The following CHD5 variants were observed in gnomAD, a reference collection of about 807,000 sequenced individuals.
CHD5 encodes the protein ATP-dependent chromatin remodeler CHD5.
CHD5 carries 69 observed loss-of-function variants against 230.3 expected under a neutral mutation model. The observed-to-expected ratio is 0.30, with a 90% CI of 0.25 to 0.37. The LOEUF (loss-of-function observed/expected upper bound fraction) is 0.37. CHD5 is among the 10% of genes least tolerant of loss of function. The probability of loss-of-function intolerance (pLI) is 1.00; values close to 1 mark genes in which losing one functional copy is unlikely to be tolerated. For synonymous variants in CHD5, 1,064 were observed against 1,065.9 expected (o/e 1.00, Z 0.03); for missense variants, 1,827 against 2,622.8 (o/e 0.70, Z 6.63).
At chr1:6,174,498 ATGGATGGATGG>A (rs1667388786) in intron 1 of CHD5, among the ~76,000 whole-genome samples, 1 of 144,220 alleles carries the variant, frequency 6.9e-6, no homozygotes, top group African/African-American at 2.8e-5. Flanking sequence ...GGATGGATAG[ATGGATGGATGG>A]TGGGTGGATG....
chr1:6,131,820 G>A lies in CHD5; in HGVS notation c.3145-72C>T, dbSNP rs961864799. The A allele has an allele frequency of 8.8e-5, 79 of 902,196 alleles. No homozygotes were observed. The highest frequency in any genetic ancestry group is 2.2e-4 in the Middle Eastern group (1 of 4,520). 55.9% of individuals were successfully genotyped at this position (902,196 alleles called of 1,614,324 possible). ...CCCATGGGCCATGGGCGGGGACCCC[G>A]CCACAGGCAGGGGAGGAGAGAGCTG... On this transcript the variant is annotated intron_variant, in intron 20 of 41. Coordinates refer to ENST00000262450, the MANE Select transcript of CHD5 (RefSeq NM_015557.3). This position sits in a 1 kb window ranked among gnomAD's most constrained non-coding sequence, Gnocchi z 5.0.
intron 15 of CHD5, among the ~76,000 whole-genome samples, chr1:6,140,848 A>G (rs1666815136): frequency 6.6e-6 from 1 of 151,846 alleles, no homozygotes; most frequent in African/African-American, 2.4e-5. Context: ...AAAAATTTAG[A>G]ACTTAGCTGA....
In CHD5 at chr1:6,106,652, G is replaced by A. The variant is rs1214382556; in HGVS notation, c.5706C>T (p.Arg1902=). 1 of 1,604,596 alleles carries A rather than the reference G, an allele frequency of 6.2e-7. No individual in the cohort carries two copies. The highest frequency in any genetic ancestry group is 8.5e-7 in the Non-Finnish European group (1 of 1,176,080). ...TGGGGTCCCCGGCGCGGTTGGTCAGGCGGCTCAGGATGCTGCGCTCCGACA... is the reference window on the plus strand; with the variant it reads ...TGGGGTCCCCGGCGCGGTTGGTCAGACGGCTCAGGATGCTGCGCTCCGACA... ...LQMSERSILS[R]LTNRAGDPTI... is the part of the protein sequence containing the mutation. Residue 1902 remains arginine, a synonymous_variant, in exon 39 of 42, where the codon CGC becomes CGT. Coordinates refer to ENST00000262450, the MANE Select transcript of CHD5 (RefSeq NM_015557.3).
chr1:6,148,121 A>G (rs1001508242), intron 9 of CHD5, among the ~76,000 whole-genome samples: 3 of 152,166 alleles, frequency 2.0e-5, no homozygotes, highest in African/African-American at 7.2e-5. Flanking sequence ...ACGCACACAC[A>G]TACACACGCA....
At chr1:6,119,850 TTA>T (rs139280601) in intron 33 of CHD5, among the ~76,000 whole-genome samples, 52 of 134,570 alleles carry the variant, frequency 3.9e-4, no homozygotes, top group African/African-American at 1.3e-3. Flanking sequence ...TATGTGTGTA[TTA>T]TATATATATA....
chr1:6,140,002 G>A (rs765039795), intron 15 of CHD5, among the ~76,000 whole-genome samples: 5 of 152,202 alleles, frequency 3.3e-5, no homozygotes, highest in Admixed American at 6.5e-5. Flanking sequence ...TGAGGGACTC[G>A]GAGGGCCTGT....
chr1:6,110,548 G>A, intron 36 of CHD5, 22 bp from the exon 37 acceptor site: 1 of 1,570,482 alleles, frequency 6.4e-7, no homozygotes, highest in Non-Finnish European at 8.6e-7. Context: ...ACCATTAAGG[G>A]CAAACCTGGC....
chr1:6,153,780 G>C (rs890347252), intron 5 of CHD5, among the ~76,000 whole-genome samples: 1 of 152,190 alleles, frequency 6.6e-6, no homozygotes, highest in Non-Finnish European at 1.5e-5. Flanking sequence ...GCAGTGTGCA[G>C]AGATCGTGCC....
Position 6,125,514 on chromosome 1 carries a change from C to T in CHD5, c.4260+10G>A. On this transcript the variant is annotated intron_variant, in intron 28 of 41. Coordinates refer to ENST00000262450, the MANE Select transcript of CHD5 (RefSeq NM_015557.3). The surrounding 1 kb of genome is among the most constrained non-coding windows in gnomAD (Gnocchi z 6.7). ...GGGCAGAAAGAGATGCGGGAACAGACAGGCCCCACCTCGATGTTGCCACCA... is the reference window on the plus strand; with the variant it reads ...GGGCAGAAAGAGATGCGGGAACAGATAGGCCCCACCTCGATGTTGCCACCA... 6.4e-7 allele frequency: 1 copy of T among 1,569,036 alleles called. No individual in the cohort carries two copies. The highest frequency in any genetic ancestry group is 8.7e-7 in the Non-Finnish European group (1 of 1,155,622).
Position 6,125,165 on chromosome 1 carries a change from C to T in CHD5, c.4329G>A (p.Pro1443=), listed in dbSNP as rs754719351. 21 of 1,606,258 alleles carry T rather than the reference C, an allele frequency of 1.3e-5. No individual in the cohort carries two copies. Among genetic ancestry groups the T allele is most frequent in the Non-Finnish European group, 1.6e-5 (19 of 1,177,024 alleles). The stretch of plus-strand genomic sequence containing the variant: ...GCCAGTGGGAGTTGAAGGCGTCCTG[C>T]GGGGGCATGCCCCAGCGCATGATGG... ...LNAIMRWGMP[P]QDAFNSHWLV... is the part of the protein sequence containing the mutation. The change falls in exon 29 of 42, where the codon CCG becomes CCA. Residue 1443 remains proline, a synonymous_variant. Transcript: ENST00000262450. This position sits in a 1 kb window ranked among gnomAD's most constrained non-coding sequence, Gnocchi z 6.7.
At chr1:6,113,414 AC>A (rs1477411697) in intron 33 of CHD5, 1 of 349,808 alleles carries the variant, frequency 2.9e-6, no homozygotes, top group East Asian at 7.8e-5. Context: ...ACAGAGCAAG[AC>A]GCTGTTTCAA....
chr1:6,101,978 G>T lies in CHD5; in HGVS notation c.*3496C>A, dbSNP rs893245976. The T allele has an allele frequency of 1.4e-5, 6 of 424,504 alleles. No homozygotes were observed. Among genetic ancestry groups the T allele is most frequent in the South Asian group, 8.1e-5 (5 of 62,070 alleles). The allele number at this position is 424,504 out of a possible 1,614,324, so 26.3% of individuals were successfully genotyped here. On this transcript the variant is annotated 3_prime_UTR_variant, in exon 42 of 42. Transcript: ENST00000262450. ...GCCCCCGCCGGGGCCACCCTGGCTGGGACTCCTGGCGCGCCTTGCACCCAG... is the reference window on the plus strand; with the variant it reads ...GCCCCCGCCGGGGCCACCCTGGCTGTGACTCCTGGCGCGCCTTGCACCCAG...
chr1:6,111,774 C>T lies in CHD5; in HGVS notation c.5249+1G>A. On this transcript the variant is annotated splice_donor_variant, in intron 36 of 41. Transcript: ENST00000262450. LOFTEE classifies it high-confidence loss of function. ...GCCCAGCCCGGCCTGGCCAAGGATA[C>T]GTCACGATGCCCGCCAGCAGCCAGT... The T allele has an allele frequency of 3.1e-6, 5 of 1,612,852 alleles. No individual in the cohort carries two copies. Among genetic ancestry groups the T allele is most frequent in the Non-Finnish European group, 4.2e-6 (5 of 1,179,586 alleles).
At chr1:6,120,059 C>A (rs1270188046) in intron 33 of CHD5, among the ~76,000 whole-genome samples, 2 of 151,952 alleles carry the variant, frequency 1.3e-5, no homozygotes, top group Non-Finnish European at 2.9e-5. Context: ...CTGGGTTTCG[C>A]CATGTTGGCC....
chr1:6,119,862 ATATT>A (rs147590237), intron 33 of CHD5, among the ~76,000 whole-genome samples: 4,268 of 127,042 alleles, frequency 0.034, 170 homozygotes, highest in African/African-American at 0.11. Flanking sequence ...ATATATATAT[ATATT>A]TTTTTTTTTT....
At position 6,154,667 on chromosome 1, in the gene CHD5, C is replaced by T. The variant is rs1295034395; in HGVS notation, c.738G>A (p.Glu246=). 1.3e-6 allele frequency: 2 copies of T among 1,561,326 alleles called. No homozygotes were observed. The highest frequency in any genetic ancestry group is 1.8e-5 in the Admixed American group (1 of 54,350). ...ACCCAACCCCAGCCTTACCTTTGCC[C>T]TCCTTGGTCTTGGCCTTGCGGATAG... The part of the protein sequence containing the change: ...PVPIRKAKTK[E]GKGPGVRKKI... Residue 246 remains glutamate, a synonymous_variant, in exon 5 of 42, where the codon GAG becomes GAA. Coordinates refer to ENST00000262450, the MANE Select transcript of CHD5 (RefSeq NM_015557.3). The surrounding 1 kb of genome is among the most constrained non-coding windows in gnomAD (Gnocchi z 7.0).
In CHD5 at chr1:6,104,977, G is replaced by T; in HGVS notation, c.*497C>A. 1 of 204,192 alleles carries T rather than the reference G, an allele frequency of 4.9e-6. No individual in the cohort carries two copies. Among genetic ancestry groups the T allele is most frequent in the Non-Finnish European group, 1.0e-5 (1 of 99,850 alleles). The allele number at this position is 204,192 out of a possible 1,614,324, so 12.6% of individuals were successfully genotyped here. ...GGTAGGGGACACTGAGGGCTCCTAG[G>T]GCACCGGGCGCCATGTCCTCCCCAG... On this transcript the variant is annotated 3_prime_UTR_variant, in exon 42 of 42. Transcript: ENST00000262450.
chr1:6,142,028 C>G lies in CHD5; in HGVS notation c.2436+100G>C. The G allele has an allele frequency of 9.1e-7, 1 of 1,095,330 alleles. No individual in the cohort carries two copies. Among genetic ancestry groups the G allele is most frequent in the African/African-American group, 1.5e-5 (1 of 64,850 alleles). 67.9% of individuals were successfully genotyped at this position (1,095,330 alleles called of 1,614,324 possible). ...TCAGAGCCTGCCGGCCTCGGTAGCC[C>G]TCCCAGGCTGAGGGACCCCAAAGGA... is the stretch of plus-strand genomic sequence containing the variant. On this transcript the variant is annotated intron_variant, in intron 15 of 41. Coordinates refer to ENST00000262450, the MANE Select transcript of CHD5 (RefSeq NM_015557.3). The surrounding 1 kb of genome is among the most constrained non-coding windows in gnomAD (Gnocchi z 5.2).
chr1:6,126,617 T>C lies in CHD5; in HGVS notation c.4033A>G (p.Ile1345Val). 6.2e-7 allele frequency: 1 copy of C among 1,613,824 alleles called. No individual in the cohort carries two copies. The highest frequency in any genetic ancestry group is 1.1e-5 in the South Asian group (1 of 91,078). Reference sequence around the variant, plus strand: ...TCGTTGTAGTTGACCTGCTTGCGGATGCGCTTGCCCTTGCCCAGGTTGCGG... The same window carrying C: ...TCGTTGTAGTTGACCTGCTTGCGGACGCGCTTGCCCTTGCCCAGGTTGCGG... ...LARNLGKGKR[I>V]RKQVNYNDAS... Residue 1345 changes from isoleucine to valine, a missense_variant, in exon 26 of 42, where the codon ATC becomes GTC. Around this residue, in one of 14 missense-constraint regions of CHD5, gnomAD observed 137 missense variants for 272.7 expected, o/e 0.50. Transcript: ENST00000262450. This position sits in a 1 kb window ranked among gnomAD's most constrained non-coding sequence, Gnocchi z 5.7.
Sources: gnomAD v4.1 joint callset for allele counts (sites outside exome capture counted in the v4.1 genomes callset) on GRCh38, gnomAD v4.1.1 for gene constraint, gnomAD v4.1.1 regional missense constraint, Gnocchi (gnomAD v3.1) non-coding constraint, MANE v1.5 for transcripts, NCBI Gene and HGNC (gene_info 2026-07-23, HGNC 2026-07-21) for gene names.